PTPN2: variants seen among roughly 807,000 people sequenced by gnomAD.
PTPN2 encodes the protein protein tyrosine phosphatase non-receptor type 2, also known as tyrosine-protein phosphatase non-receptor type 2.
Under a neutral mutation model 57.3 loss-of-function variants are expected in PTPN2, and 19 were observed. The observed-to-expected ratio is 0.33, with a 90% CI of 0.23 to 0.49. The LOEUF is 0.49. PTPN2 is among the 20% of genes least tolerant of loss of function. The pLI is 0.99. For missense variants in PTPN2, 358 were observed against 501.1 expected (o/e 0.71, Z 2.73); for synonymous variants, 153 against 164.9 (o/e 0.93, Z 0.55).
At chr18:12,877,690 G>T (rs536002991) in intron 1 of PTPN2, among the ~76,000 whole-genome samples, 1 of 152,196 alleles carries the variant, frequency 6.6e-6, no homozygotes, top group South Asian at 2.1e-4. Flanking sequence ...TTGTTCTCTA[G>T]CAATATTTGA....
At position 12,792,850 on chromosome 18, in the gene PTPN2, C is replaced by T; in HGVS notation, c.*1428G>A. 2 of 902,682 alleles carry T rather than the reference C, an allele frequency of 2.2e-6. No individual in the cohort carries two copies. Among genetic ancestry groups the T allele is most frequent in the South Asian group, 1.0e-4 (2 of 19,532 alleles). 55.9% of individuals were successfully genotyped at this position (902,682 alleles called of 1,614,324 possible). Reference sequence around the variant, plus strand: ...AGGTGATCTGCCCACTTCAGCCTCCCAAAGTGCTGGGATTACAGGCATGAG... The same window carrying T: ...AGGTGATCTGCCCACTTCAGCCTCCTAAAGTGCTGGGATTACAGGCATGAG... On this transcript the variant is annotated 3_prime_UTR_variant, in exon 9 of 9. Transcript: ENST00000309660.
chr18:12,866,578 G>A (rs769038099), intron 1 of PTPN2, among the ~76,000 whole-genome samples: 4 of 152,338 alleles, frequency 2.6e-5, no homozygotes, highest in Non-Finnish European at 4.4e-5. Context: ...GGATGTGGGT[G>A]AGAATGGAGA....
chr18:12,828,904 A>ATT (rs999035643), intron 4 of PTPN2, among the ~76,000 whole-genome samples: 1 of 148,164 alleles, frequency 6.7e-6, no homozygotes, highest in Non-Finnish European at 1.5e-5. Context: ...AGCAAAAAAA[A>ATT]TTTTTTTTTT....
chr18:12,869,163 T>C (rs75507899), intron 1 of PTPN2: 3 of 152,176 alleles, frequency 2.0e-5, no homozygotes, highest in African/African-American at 4.8e-5. Context: ...AATAAACAAG[T>C]AAAATTTTAA....
downstream of PTPN2, among the ~76,000 whole-genome samples, chr18:12,789,900 A>G (rs2040940537): frequency 6.6e-6 from 1 of 151,470 alleles, no homozygotes; most frequent in African/African-American, 2.4e-5. Context: ...GTATGTATAT[A>G]TGTATTATGA....
chr18:12,816,551 G>A (rs1338219331), intron 6 of PTPN2, among the ~76,000 whole-genome samples: 2 of 152,002 alleles, frequency 1.3e-5, no homozygotes, highest in Admixed American at 6.6e-5. Context: ...CCCAAGTAAC[G>A]AAAAAATAAA....
intron 7 of PTPN2, among the ~76,000 whole-genome samples, chr18:12,810,355 ACT>A (rs1034328567): frequency 4.0e-5 from 6 of 151,320 alleles, no homozygotes; most frequent in Non-Finnish European, 8.8e-5. Context: ...CAACAGTGAA[ACT>A]CTGTTTCAAA....
rs536009364 is a variant in PTPN2 at position 12,817,987 on chromosome 18, A to AAAAAATTAGCC, written c.496-633_496-623dup. 8.8e-4 allele frequency among the ~76,000 whole-genome samples: 134 copies of AAAAAATTAGCC among 152,182 alleles called. 1 individual carries two copies. Among genetic ancestry groups the AAAAAATTAGCC allele is most frequent in the Admixed American group, 2.6e-3 (40 of 15,286 alleles). ...GAAACCCCGTTTCTACTAAAAATAC[A>AAAAAATTAGCC]AAAAATTAGCCAGGCGTGGTGGCGC... is the stretch of plus-strand genomic sequence containing the variant. On this transcript the variant is annotated intron_variant, in intron 5 of 8. Transcript: ENST00000309660.
At chr18:12,844,720 A>C (rs1432017160) in intron 2 of PTPN2, among the ~76,000 whole-genome samples, 3 of 152,186 alleles carry the variant, frequency 2.0e-5, no homozygotes, top group Admixed American at 6.5e-5. Context: ...TCCTCTTAAC[A>C]GGGTGTTTTG....
intron 1 of PTPN2, among the ~76,000 whole-genome samples, chr18:12,870,571 C>T (rs1197072902): frequency 1.3e-4 from 17 of 132,452 alleles, no homozygotes; most frequent in African/African-American, 5.1e-4. Flanking sequence ...TGCAGTGGCG[C>T]GATCTTGGCT....
chr18:12,873,807 A>G (rs77496433), intron 1 of PTPN2, among the ~76,000 whole-genome samples: 100,962 of 151,350 alleles, frequency 0.67, 34,534 homozygotes, highest in East Asian at 0.86. Context: ...AGTGATGAGC[A>G]TCTCTGCCCG....
intron 8 of PTPN2, among the ~76,000 whole-genome samples, chr18:12,801,571 A>T (rs963725680): frequency 3.9e-5 from 6 of 151,988 alleles, no homozygotes; most frequent in African/African-American, 1.4e-4. Context: ...TTATTTATTT[A>T]TTATTATTAT....
chr18:12,873,272 C>T (rs2044333913), intron 1 of PTPN2, among the ~76,000 whole-genome samples: 1 of 130,848 alleles, frequency 7.6e-6, no homozygotes, highest in Admixed American at 7.4e-5. Flanking sequence ...TCTCCCTCTC[C>T]CCACGGTCTC....
intron 2 of PTPN2, among the ~76,000 whole-genome samples, chr18:12,841,177 G>A (rs2852151): frequency 0.32 from 48,750 of 152,052 alleles, 9,012 homozygotes; most frequent in Admixed American, 0.41. Context: ...AGCAGGAAGG[G>A]GAAATTCCAG....
chr18:12,838,608 C>T (rs572917757), intron 2 of PTPN2, among the ~76,000 whole-genome samples: 1 of 152,260 alleles, frequency 6.6e-6, no homozygotes, highest in South Asian at 2.1e-4. Flanking sequence ...CAGGGCTCAG[C>T]CCCTGGCAGT....
intron 2 of PTPN2, among the ~76,000 whole-genome samples, chr18:12,845,009 T>C (rs773100819): frequency 1.3e-5 from 2 of 152,224 alleles, no homozygotes; most frequent in Non-Finnish European, 2.9e-5. Context: ...TTCCACTGAC[T>C]TATGTATTTA....
intron 1 of PTPN2, among the ~76,000 whole-genome samples, chr18:12,868,641 T>G (rs1347037949): frequency 6.6e-6 from 1 of 151,136 alleles, no homozygotes; most frequent in Non-Finnish European, 1.5e-5. Flanking sequence ...TTTTAAAAAC[T>G]TCAAACTTCA....
downstream of PTPN2, among the ~76,000 whole-genome samples, chr18:12,791,113 A>G (rs1205618542): frequency 6.6e-6 from 1 of 152,244 alleles, no homozygotes; most frequent in East Asian, 1.9e-4. Flanking sequence ...TACATTCTAT[A>G]TATGTGCAAG....
intron 7 of PTPN2, among the ~76,000 whole-genome samples, chr18:12,808,438 A>G (rs2041770616): frequency 6.6e-6 from 1 of 152,126 alleles, no homozygotes; most frequent in East Asian, 1.9e-4. Context: ...AAATGTATCA[A>G]AATATCACAC....
Sources: gnomAD v4.1 joint callset for allele counts (sites outside exome capture counted in the v4.1 genomes callset) on GRCh38, gnomAD v4.1.1 for gene constraint, MANE v1.5 for transcripts, NCBI Gene and HGNC (gene_info 2026-07-23, HGNC 2026-07-21) for gene names.